Variants in CHRM3 observed in about 807,000 individuals in gnomAD.
CHRM3 encodes the protein cholinergic receptor muscarinic 3.
A neutral mutation model predicts 41.8 loss-of-function variants in CHRM3; 11 were observed. The ratio of observed to expected loss-of-function variants is 0.26; its 90% CI spans 0.17 to 0.44. The LOEUF (loss-of-function observed/expected upper bound fraction) is 0.44, where lower values mean the gene tolerates loss of function less well. CHRM3 is among the 20% of genes least tolerant of loss of function. The probability of loss-of-function intolerance (pLI) is 1.00; values close to 1 mark genes in which losing one functional copy is unlikely to be tolerated. For synonymous variants in CHRM3, 297 were observed against 301.4 expected (o/e 0.99, Z 0.15); for missense variants, 571 against 745.4 (o/e 0.77, Z 2.72).
chr1:239,707,202 A>G (rs1661279430), intron 5 of CHRM3: 1 of 152,208 alleles, frequency 6.6e-6, no homozygotes, highest in African/African-American at 2.4e-5. Flanking sequence ...GAATATAATA[A>G]GTTGCATATG....
chr1:239,788,908 A>T (rs900187192), intron 5 of CHRM3, among the ~76,000 whole-genome samples: 3 of 152,230 alleles, frequency 2.0e-5, no homozygotes, highest in African/African-American at 7.2e-5. Flanking sequence ...AGGATATTTA[A>T]TGTGTATTAG....
chr1:239,481,587 T>C (rs1347267437), intron 1 of CHRM3, among the ~76,000 whole-genome samples: 1 of 152,224 alleles, frequency 6.6e-6, no homozygotes, highest in Non-Finnish European at 1.5e-5. Flanking sequence ...CTAATATTTG[T>C]TGAACTTTCA....
At chr1:239,834,277 C>T (rs1448104466) in intron 6 of CHRM3, among the ~76,000 whole-genome samples, 3 of 150,136 alleles carry the variant, frequency 2.0e-5, no homozygotes, top group African/African-American at 7.4e-5. Flanking sequence ...CAACTCTCTA[C>T]CATAATACCC....
chr1:239,434,805 TAGG>T (rs1663105697), intron 1 of CHRM3, among the ~76,000 whole-genome samples: 1 of 151,588 alleles, frequency 6.6e-6, no homozygotes, highest in African/African-American at 2.4e-5. Flanking sequence ...GAAAAGAAAA[TAGG>T]AGGGAGGGAT....
rs761812337 is a variant in CHRM3, at chr1:239,908,486, C to T, written c.1035C>T (p.Ser345=). The T allele has an allele frequency of 1.2e-6, 2 of 1,609,158 alleles. No homozygotes were observed. Among genetic ancestry groups the T allele is most frequent in the Non-Finnish European group, 1.7e-6 (2 of 1,177,396 alleles). Residue 345 remains serine, a synonymous_variant, in exon 7 of 7, where the codon TCC becomes TCT. Transcript: ENST00000676153. The surrounding 1 kb of genome is among the most constrained non-coding windows in gnomAD (Gnocchi z 7.2). ...DSWNNNDAAA[S]LENSASSDEE... is the part of the protein sequence containing the mutation. The stretch of plus-strand genomic sequence containing the variant: ...GGAACAACAATGATGCTGCTGCCTC[C>T]CTGGAGAACTCCGCCTCCTCCGACG...
At chr1:239,799,262 T>G (rs1197834997) in intron 5 of CHRM3, among the ~76,000 whole-genome samples, 1 of 151,368 alleles carries the variant, frequency 6.6e-6, no homozygotes, top group Non-Finnish European at 1.5e-5. Context: ...TGATGAGGAG[T>G]GGAGTGCACT....
At chr1:239,764,759 A>G (rs1410315159) in intron 5 of CHRM3, among the ~76,000 whole-genome samples, 1 of 152,262 alleles carries the variant, frequency 6.6e-6, no homozygotes, top group African/African-American at 2.4e-5. Flanking sequence ...AGAAGAGGCT[A>G]TTCTCTAGCC....
chr1:239,402,499 C>A (rs542959662), intron 1 of CHRM3, among the ~76,000 whole-genome samples: 3 of 152,158 alleles, frequency 2.0e-5, no homozygotes, highest in Non-Finnish European at 4.4e-5. Context: ...TTTACCTCTA[C>A]GTAACTTTTG....
At chr1:239,905,646 C>T (rs1679910715) in intron 6 of CHRM3, among the ~76,000 whole-genome samples, 1 of 152,116 alleles carries the variant, frequency 6.6e-6, no homozygotes, top group Non-Finnish European at 1.5e-5. Flanking sequence ...GCAGAGGCTG[C>T]AGTGAGCCAA....
At chr1:239,419,354 G>A (rs568852137) in intron 1 of CHRM3, among the ~76,000 whole-genome samples, 4 of 144,796 alleles carry the variant, frequency 2.8e-5, no homozygotes, top group African/African-American at 7.7e-5. Context: ...CTAACAGGCC[G>A]ACCCAGCCTT....
chr1:239,456,155 T>A (rs764146535), intron 1 of CHRM3, among the ~76,000 whole-genome samples: 9 of 152,178 alleles, frequency 5.9e-5, no homozygotes, highest in Non-Finnish European at 1.2e-4. Context: ...GGTCCTTTCC[T>A]TGATAAAACA....
chr1:239,513,578 G>T (rs1013222117), intron 2 of CHRM3, among the ~76,000 whole-genome samples: 2 of 152,106 alleles, frequency 1.3e-5, no homozygotes, highest in African/African-American at 4.8e-5. Flanking sequence ...TCTGTGGCTT[G>T]TATTCTCTTT....
At chr1:239,462,839 G>A (rs1665457013) in intron 1 of CHRM3, among the ~76,000 whole-genome samples, 1 of 152,158 alleles carries the variant, frequency 6.6e-6, no homozygotes, top group Non-Finnish European at 1.5e-5. Context: ...ATAGTGGGAA[G>A]TACACTTACA....
At chr1:239,558,399 A>G (rs1660566037) in intron 3 of CHRM3, among the ~76,000 whole-genome samples, 1 of 152,192 alleles carries the variant, frequency 6.6e-6, no homozygotes, top group African/African-American at 2.4e-5. Context: ...ATAGATTGCA[A>G]AAAGTCCAGA....
rs143944647 is a variant in CHRM3, at chr1:239,737,847, T to C, written c.-147+59559T>C. ...AGATATCTGATTAGATCTCAGAGAG[T>C]CAACAACTGAAGCAAGCTGATCTTT... On this transcript the variant is annotated intron_variant, in intron 5 of 6. Transcript: ENST00000676153. Among the ~76,000 whole-genome samples, 91 of 152,026 alleles carry C rather than the reference T, an allele frequency of 6.0e-4. No individual in the cohort carries two copies. In the East Asian group the frequency reaches 0.016, roughly 26 times the overall value.
chr1:239,874,905 G>A (rs187454847), intron 6 of CHRM3, among the ~76,000 whole-genome samples: 260 of 151,876 alleles, frequency 1.7e-3, no homozygotes, highest in Non-Finnish European at 3.0e-3. Context: ...CTCCATTTTG[G>A]TCAGGCTGGT....
At chr1:239,452,092 T>C (rs1209868315) in intron 1 of CHRM3, among the ~76,000 whole-genome samples, 3 of 152,212 alleles carry the variant, frequency 2.0e-5, no homozygotes, top group Non-Finnish European at 4.4e-5. Context: ...ACTGATATCC[T>C]ATTGTTATAA....
chr1:239,820,533 A>G (rs372860846), intron 5 of CHRM3, among the ~76,000 whole-genome samples: 1 of 152,192 alleles, frequency 6.6e-6, no homozygotes, highest in African/African-American at 2.4e-5. Flanking sequence ...TTAGGCAAAT[A>G]CGGGAAGTTC....
At chr1:239,690,343 C>A (rs932144229) in intron 5 of CHRM3, among the ~76,000 whole-genome samples, 5 of 152,020 alleles carry the variant, frequency 3.3e-5, no homozygotes, top group African/African-American at 1.2e-4. Flanking sequence ...CCTCAGTATC[C>A]CGAGTAGCTG....
Sources: gnomAD v4.1 joint callset for allele counts (sites outside exome capture counted in the v4.1 genomes callset) on GRCh38, gnomAD v4.1.1 for gene constraint, Gnocchi (gnomAD v3.1) non-coding constraint, MANE v1.5 for transcripts, NCBI Gene and HGNC (gene_info 2026-07-23, HGNC 2026-07-21) for gene names.